ATF6: variants seen among roughly 807,000 people sequenced by gnomAD.
The protein encoded by ATF6 is activating transcription factor 6.
A neutral mutation model predicts 83.6 loss-of-function variants in ATF6; 53 were observed. That is an observed-to-expected ratio of 0.63 (90% CI 0.51 to 0.80). ATF6 has a LOEUF of 0.80. Ranked by LOEUF, ATF6 falls within the 30% of genes least tolerant of loss-of-function variation. The pLI, the probability that ATF6 is intolerant of heterozygous loss-of-function variation, is 0.00. For missense variants in ATF6, 744 were observed against 797.9 expected, an observed-to-expected ratio of 0.93 and a Z score of 0.81; for synonymous variants, 288 against 285.8, an observed-to-expected ratio of 1.01 and a Z score of -0.08.
chr1:161,812,603 G>A (rs939558230), intron 7 of ATF6, among the ~76,000 whole-genome samples: 96 of 151,626 alleles, frequency 6.3e-4, no homozygotes, highest in Admixed American at 1.7e-3. Flanking sequence ...GTTTTTAGCC[G>A]GGATGGTCTC....
chr1:161,914,512 A>T (rs1459640840), intron 15 of ATF6, among the ~76,000 whole-genome samples: 3 of 151,932 alleles, frequency 2.0e-5, no homozygotes, highest in Admixed American at 2.0e-4. Flanking sequence ...GCCTTTTTTG[A>T]TCCAGTCATC....
At chr1:161,853,990 G>A (rs1472215425) in intron 12 of ATF6, among the ~76,000 whole-genome samples, 1 of 152,144 alleles carries the variant, frequency 6.6e-6, no homozygotes, top group Non-Finnish European at 1.5e-5. Flanking sequence ...ACACTCTAGT[G>A]CAGAGCTAAA....
chr1:161,905,320 A>G (rs897946858), intron 14 of ATF6, among the ~76,000 whole-genome samples: 2 of 152,142 alleles, frequency 1.3e-5, no homozygotes, highest in African/African-American at 4.8e-5. Flanking sequence ...TCAACCCAAT[A>G]TGTTCCTTTT....
intron 7 of ATF6, 89 bp downstream of exon 7, chr1:161,802,361 T>G: frequency 8.7e-7 from 1 of 1,154,982 alleles, no homozygotes; most frequent in South Asian, 1.5e-5. Flanking sequence ...TGTTTTTGTT[T>G]TTTTTAGAGT....
intron 15 of ATF6, among the ~76,000 whole-genome samples, chr1:161,956,343 G>A (rs1688965397): frequency 6.6e-6 from 1 of 152,130 alleles, no homozygotes; most frequent in Non-Finnish European, 1.5e-5. Flanking sequence ...TGGGGAGAGA[G>A]GGACTATGGT....
chr1:161,904,772 A>G (rs1162056343), intron 14 of ATF6, among the ~76,000 whole-genome samples: 3 of 152,206 alleles, frequency 2.0e-5, no homozygotes, highest in African/African-American at 7.2e-5. Context: ...ACAGCTTTAT[A>G]TAGTATCATA....
chr1:161,771,646 C>A (rs1684392080), intron 1 of ATF6, among the ~76,000 whole-genome samples: 1 of 152,110 alleles, frequency 6.6e-6, no homozygotes, highest in Non-Finnish European at 1.5e-5. Context: ...TGTTCTCTTG[C>A]CCAGGTTGGA....
At chr1:161,829,067 C>T (rs1685976703) in intron 9 of ATF6, among the ~76,000 whole-genome samples, 2 of 151,864 alleles carry the variant, frequency 1.3e-5, no homozygotes, top group African/African-American at 4.8e-5. Flanking sequence ...GGGATCAATT[C>T]AACAAGAAGA....
At chr1:161,849,014 G>C (rs1457244768) in intron 10 of ATF6, among the ~76,000 whole-genome samples, 1 of 151,628 alleles carries the variant, frequency 6.6e-6, no homozygotes, top group Non-Finnish European at 1.5e-5. Flanking sequence ...CATTACTAGA[G>C]TTCAGATCAC....
chr1:161,862,383 T>A (rs575843359), intron 13 of ATF6, among the ~76,000 whole-genome samples: 1 of 152,308 alleles, frequency 6.6e-6, no homozygotes, highest in African/African-American at 2.4e-5. Context: ...ACAGGATCCC[T>A]TTAACTCTTC....
At chr1:161,771,903 T>C (rs1277505448) in intron 1 of ATF6, among the ~76,000 whole-genome samples, 1 of 152,254 alleles carries the variant, frequency 6.6e-6, no homozygotes, top group Non-Finnish European at 1.5e-5. Context: ...CACTGACCTG[T>C]CATTTTCTGG....
chr1:161,823,240 A>G (rs1352733145), intron 9 of ATF6, among the ~76,000 whole-genome samples: 1 of 152,144 alleles, frequency 6.6e-6, no homozygotes, highest in African/African-American at 2.4e-5. Flanking sequence ...TAACATAAAT[A>G]ACATGTTAAT....
chr1:161,832,291 G>A (rs1313676509), intron 9 of ATF6, among the ~76,000 whole-genome samples: 1 of 152,174 alleles, frequency 6.6e-6, no homozygotes, highest in Non-Finnish European at 1.5e-5. Flanking sequence ...GGTATACTTG[G>A]AATAGGAACA....
chr1:161,766,461 T>A lies in ATF6; in HGVS notation c.82+19T>A. The A allele has an allele frequency of 6.2e-7, 1 of 1,609,704 alleles. No individual in the cohort carries two copies. The highest frequency in any genetic ancestry group is 8.5e-7 in the Non-Finnish European group (1 of 1,177,276). On this transcript the variant is annotated intron_variant, in intron 1 of 15. Transcript: ENST00000367942. ...GATTGGGGTGAGTGGGATCTGAGAA[T>A]GTACCAGGGTGGCTCGGGTTCGCGT...
chr1:161,790,809 T>TCAA (rs34420630), intron 4 of ATF6, among the ~76,000 whole-genome samples: 15,377 of 149,698 alleles, frequency 0.1, 932 homozygotes, highest in Admixed American at 0.18. Context: ...AGACTCTGTC[T>TCAA]CAACAACAAC....
chr1:161,943,881 T>C (rs1688698399), intron 15 of ATF6, among the ~76,000 whole-genome samples: 1 of 152,238 alleles, frequency 6.6e-6, no homozygotes, highest in Non-Finnish European at 1.5e-5. Flanking sequence ...GTGTATTTAC[T>C]TACTTCTCTC....
chr1:161,819,536 A>G, intron 7 of ATF6, 97 bp from the exon 8 acceptor site: 2 of 1,008,494 alleles, frequency 2.0e-6, no homozygotes, highest in Non-Finnish European at 2.7e-6. Flanking sequence ...CTTTGAAAAA[A>G]TTGTTGGTTA....
intron 15 of ATF6, among the ~76,000 whole-genome samples, chr1:161,924,016 G>A (rs984608408): frequency 6.6e-6 from 1 of 152,158 alleles, no homozygotes; most frequent in Non-Finnish European, 1.5e-5. Context: ...ATTTTTTAAT[G>A]TTAAGCTCCT....
At position 161,841,724 on chromosome 1, in the gene ATF6, A is replaced by G. The variant is rs118084287; in HGVS notation, c.1188-4725A>G. 4.0e-3 allele frequency among the ~76,000 whole-genome samples: 615 copies of G among 152,272 alleles called. 12 individuals are homozygous for G. The highest frequency in any genetic ancestry group is 0.024 in the Admixed American group (369 of 15,290). On this transcript the variant is annotated intron_variant, in intron 9 of 15. Coordinates refer to ENST00000367942, the MANE Select transcript of ATF6 (RefSeq NM_007348.4). ...TGAGCTCCTTAACTCAAAAAAGGCT[A>G]AAAGTTACTGAAATAGCTATGGTTA...
Sources: allele counts gnomAD v4.1 joint callset (sites outside exome capture counted in the v4.1 genomes callset), GRCh38; gene constraint gnomAD v4.1.1; transcripts MANE v1.5; gene names NCBI Gene and HGNC (gene_info 2026-07-23, HGNC 2026-07-21).